Variants in ANKRD17 observed in about 807,000 individuals in gnomAD.
ANKRD17 encodes the protein ankyrin repeat domain 17.
In ANKRD17, 19 loss-of-function variants were observed where a neutral mutation model predicts 229.7. The observed-to-expected ratio is 0.08, with a 90% CI of 0.06 to 0.12. ANKRD17 has a LOEUF of 0.12. ANKRD17 is among the 10% of genes least tolerant of loss of function. The pLI, the probability that ANKRD17 is intolerant of heterozygous loss-of-function variation, is 1.00. For missense variants in ANKRD17, 2,176 were observed against 3,176.8 expected (o/e 0.68, Z 7.57); for synonymous variants, 1,112 against 1,146.1 (o/e 0.97, Z 0.60).
rs1720868262 is a variant in ANKRD17 at position 73,074,141 on chromosome 4, C to T, written c.*2090G>A. ...ATACGGAGCATTTCAATCTATATCC[C>T]CTGGCCCCACAGGTTTGAAGTCAAG... On this transcript the variant is annotated 3_prime_UTR_variant, in exon 34 of 34. Coordinates refer to ENST00000358602, the MANE Select transcript of ANKRD17 (RefSeq NM_032217.5). 1 of 151,910 alleles carries T rather than the reference C, an allele frequency of 6.6e-6. No homozygotes were observed. Among genetic ancestry groups the T allele is most frequent in the Admixed American group, 6.6e-5 (1 of 15,246 alleles). The allele number at this position is 151,910 out of a possible 1,614,324, so 9.4% of individuals were successfully genotyped here. A position where few individuals can be genotyped will look rare whatever the true frequency, so the allele number is the denominator to read the frequency against.
At chr4:73,138,353 T>C (rs1729171600) in intron 15 of ANKRD17, among the ~76,000 whole-genome samples, 1 of 152,106 alleles carries the variant, frequency 6.6e-6, no homozygotes, top group Non-Finnish European at 1.5e-5. Context: ...ATTCCACATG[T>C]TATAACTACT....
intron 1 of ANKRD17, among the ~76,000 whole-genome samples, chr4:73,203,950 T>C (rs1739065969): frequency 6.6e-6 from 1 of 151,288 alleles, no homozygotes; most frequent in Non-Finnish European, 1.5e-5. Context: ...AAAACAGCCA[T>C]GGGGGGGAAA....
chr4:73,215,649 T>C lies in ANKRD17; in HGVS notation c.394-38116A>G, dbSNP rs539175477. Among the ~76,000 whole-genome samples the C allele has an allele frequency of 3.2e-4, 49 of 152,276 alleles. No individual in the cohort carries two copies. The South Asian group carries it at 0.01, about 32-fold the overall frequency. On this transcript the variant is annotated intron_variant, in intron 1 of 33. Transcript: ENST00000358602. ...AAAAATCATACATGGTTTTGATAAA[T>C]TCAAAGTGCACAATAAGCCAGTGAG...
chr4:73,133,489 A>C (rs72861844), intron 16 of ANKRD17, among the ~76,000 whole-genome samples: 149,875 of 150,074 alleles, frequency 1, 74,839 homozygotes, highest in Middle Eastern at 1. Flanking sequence ...CTCCCGGATT[A>C]AAGTGATTCT....
chr4:73,185,473 A>T (rs533040986), intron 1 of ANKRD17, among the ~76,000 whole-genome samples: 14 of 152,030 alleles, frequency 9.2e-5, no homozygotes, highest in Non-Finnish European at 1.8e-4. Flanking sequence ...CCAGGAAAAG[A>T]AGTTATCTTC....
intron 1 of ANKRD17, among the ~76,000 whole-genome samples, chr4:73,178,484 T>G (rs1362389604): frequency 1.3e-5 from 2 of 152,188 alleles, no homozygotes; most frequent in Non-Finnish European, 2.9e-5. Context: ...ATTTAATTTT[T>G]TTTTTTTAAC....
chr4:73,079,831 T>A, intron 30 of ANKRD17, among the ~76,000 whole-genome samples: 1 of 152,186 alleles, frequency 6.6e-6, no homozygotes, highest in Non-Finnish European at 1.5e-5. Flanking sequence ...AGCTTAAATA[T>A]TGGCCGGGCG....
intron 2 of ANKRD17, among the ~76,000 whole-genome samples, chr4:73,163,636 T>C (rs955900408): frequency 5.3e-5 from 8 of 152,194 alleles, no homozygotes; most frequent in African/African-American, 1.9e-4. Flanking sequence ...AAGTGTATAC[T>C]TTTACAGTGC....
chr4:73,102,013 G>A (rs1056361817), intron 25 of ANKRD17, among the ~76,000 whole-genome samples: 91 of 151,976 alleles, frequency 6.0e-4, no homozygotes, highest in African/African-American at 2.1e-3. Flanking sequence ...GCTCATGACA[G>A]TCTCAACCTC....
rs1724131857 is a variant in ANKRD17, at chr4:73,102,506, T to C, written c.4443A>G (p.Arg1481=). ...ESRRLALAAK[R]EKRKEKRRKK... is the part of the protein sequence containing the mutation. Reference sequence around the variant, plus strand: ...TCCTTCTCTTCTCTTTTCTTTTTTCTCTTTTCGCAGCCAAAGCCAGCCTCC... The same window carrying C: ...TCCTTCTCTTCTCTTTTCTTTTTTCCCTTTTCGCAGCCAAAGCCAGCCTCC... The change falls in exon 25 of 34, where the codon AGA becomes AGG. Residue 1481 remains arginine, a synonymous_variant. Coordinates refer to ENST00000358602, the MANE Select transcript of ANKRD17 (RefSeq NM_032217.5). The C allele has an allele frequency of 6.2e-7, 1 of 1,603,660 alleles. No individual in the cohort carries two copies. The highest frequency in any genetic ancestry group is 8.5e-7 in the Non-Finnish European group (1 of 1,178,076).
In ANKRD17 at chr4:73,121,076, G is replaced by A; in HGVS notation, c.3654C>T (p.Gly1218=). ...TAGCTGCTAACATCAGAGGAGAGAT[G>A]CCCAATTTGCTACCAGTTCTAGGGG... ...EINSRTGSKL[G]ISPLMLAAMN... is the part of the protein sequence containing the mutation. The change falls in exon 20 of 34, where the codon GGC becomes GGT. Residue 1218 remains glycine, a synonymous_variant. Coordinates refer to ENST00000358602, the MANE Select transcript of ANKRD17 (RefSeq NM_032217.5). 1.9e-6 allele frequency: 3 copies of A among 1,613,784 alleles called. No individual in the cohort carries two copies. The highest frequency in any genetic ancestry group is 2.5e-6 in the Non-Finnish European group (3 of 1,179,790).
At chr4:73,248,882 T>A (rs1438369985) in intron 1 of ANKRD17, among the ~76,000 whole-genome samples, 2 of 151,990 alleles carry the variant, frequency 1.3e-5, no homozygotes, top group African/African-American at 2.4e-5. Context: ...TTAATTCTAG[T>A]ATGTGCTATA....
intron 29 of ANKRD17, among the ~76,000 whole-genome samples, chr4:73,087,498 C>G (rs1008437632): frequency 5.3e-5 from 8 of 152,186 alleles, no homozygotes; most frequent in African/African-American, 1.4e-4. Flanking sequence ...CTGAATTAAA[C>G]TTGCCCACAG....
At chr4:73,256,491 T>G (rs1296579622) in intron 1 of ANKRD17, among the ~76,000 whole-genome samples, 1 of 152,150 alleles carries the variant, frequency 6.6e-6, no homozygotes, top group Non-Finnish European at 1.5e-5. Flanking sequence ...ATCAGGAGGG[T>G]GATAAAAGGA....
chr4:73,137,000 T>TA (rs397993975), intron 15 of ANKRD17, among the ~76,000 whole-genome samples: 1 of 139,254 alleles, frequency 7.2e-6, no homozygotes, highest in African/African-American at 2.7e-5. Context: ...TTTTTTTTTT[T>TA]AAGTCAAATT....
chr4:73,162,056 CTT>C (rs529011465), intron 2 of ANKRD17, among the ~76,000 whole-genome samples: 20 of 138,098 alleles, frequency 1.4e-4, no homozygotes, highest in South Asian at 2.3e-4. Context: ...TTCTCTCTCT[CTT>C]TTTTTTTTTT....
chr4:73,086,083 A>G (rs115870997), intron 29 of ANKRD17, among the ~76,000 whole-genome samples: 1 of 152,304 alleles, frequency 6.6e-6, no homozygotes, highest in African/African-American at 2.4e-5. Flanking sequence ...ACTGGGAACA[A>G]ATTTAATTCT....
At chr4:73,179,484 G>A (rs1353844837) in intron 1 of ANKRD17, among the ~76,000 whole-genome samples, 173 of 65,584 alleles carry the variant, frequency 2.6e-3, no homozygotes, top group African/African-American at 7.2e-3. Flanking sequence ...GTGTGTGTGT[G>A]TGTGTATATA....
At chr4:73,238,897 T>C (rs1743757479) in intron 1 of ANKRD17, among the ~76,000 whole-genome samples, 1 of 152,154 alleles carries the variant, frequency 6.6e-6, no homozygotes, top group African/African-American at 2.4e-5. Context: ...ACTTATTCTT[T>C]ACCTTGATTT....
Sources: allele counts gnomAD v4.1 joint callset (sites outside exome capture counted in the v4.1 genomes callset), GRCh38; gene constraint gnomAD v4.1.1; transcripts MANE v1.5; gene names NCBI Gene and HGNC (gene_info 2026-07-23, HGNC 2026-07-21).